Variants in CTNND2 observed in about 807,000 individuals in gnomAD.
The protein encoded by CTNND2 is catenin delta 2, also known as catenin delta-2.
CTNND2 carries 22 observed loss-of-function variants against 144.4 expected under a neutral mutation model. The ratio of observed to expected loss-of-function variants is 0.15; its 90% confidence interval spans 0.11 to 0.22. The LOEUF (loss-of-function observed/expected upper bound fraction) is 0.22, where lower values mean the gene tolerates loss of function less well. CTNND2 is among the 10% of genes least tolerant of loss of function. CTNND2 has a pLI of 1.00. For synonymous variants in CTNND2, 751 were observed against 695.6 expected (o/e 1.08, Z -1.25); for missense variants, 1,353 against 1,618.8 (o/e 0.84, Z 2.82).
intron 9 of CTNND2, among the ~76,000 whole-genome samples, chr5:11,302,201 G>C (rs755644139): frequency 5.3e-5 from 8 of 152,158 alleles, no homozygotes; most frequent in Non-Finnish European, 8.8e-5. Context: ...TCAGTACTGA[G>C]AGGAAGGAAA....
chr5:11,264,202 T>C (rs539252678), intron 9 of CTNND2, among the ~76,000 whole-genome samples: 1 of 152,294 alleles, frequency 6.6e-6, no homozygotes, highest in South Asian at 2.1e-4. Flanking sequence ...TTTGATATTA[T>C]GGGTTGAATT....
rs1278775149 is a variant in CTNND2, at chr5:11,397,099, C to T, written c.544G>A (p.Glu182Lys). 6.2e-7 allele frequency: 1 copy of T among 1,614,026 alleles called. No homozygotes were observed. Among genetic ancestry groups the T allele is most frequent in the South Asian group, 1.1e-5 (1 of 91,080 alleles). Reference protein sequence around the residue: ...YHSNQTLALGETTPSQLPARG... With the variant: ...YHSNQTLALGKTTPSQLPARG... ...GCCGGGAGCTGTGAAGGGGTGGTTTCCCCCAGGGCCAGGGTCTGGTTGCTA... is the reference window on the plus strand; with the variant it reads ...GCCGGGAGCTGTGAAGGGGTGGTTTTCCCCAGGGCCAGGGTCTGGTTGCTA... The change falls in exon 6 of 22, where the codon GAA becomes AAA. Residue 182 changes from glutamate (E) to lysine (K), a missense_variant. Transcript: ENST00000304623.
intron 3 of CTNND2, among the ~76,000 whole-genome samples, chr5:11,558,341 C>CATGT (rs1554083650): frequency 1.5e-5 from 2 of 132,120 alleles, no homozygotes; most frequent in African/African-American, 5.7e-5. Context: ...GTGAGAAACA[C>CATGT]GTGTGTGTGT....
intron 2 of CTNND2, among the ~76,000 whole-genome samples, chr5:11,635,363 CA>C (rs1403606228): frequency 1.3e-5 from 2 of 151,438 alleles, no homozygotes; most frequent in African/African-American, 2.4e-5. Flanking sequence ...CATGAGGAAG[CA>C]AAAAAGAGTG....
chr5:11,079,734 C>T lies in CTNND2; in HGVS notation c.2788+2962G>A, dbSNP rs1028633210. ...TCTCTAGTGTTACTTTTCCAACCAC[C>T]CCTATCTTGACCTCGCATTGAAAAT... On this transcript the variant is annotated intron_variant, in intron 16 of 21. Transcript: ENST00000304623. Among the ~76,000 whole-genome samples the T allele has an allele frequency of 7.2e-5, 11 of 152,146 alleles. No individual in the cohort carries two copies. The East Asian group carries it at 1.2e-3, about 16-fold the overall frequency.
chr5:11,612,061 C>T (rs75145192), intron 2 of CTNND2, among the ~76,000 whole-genome samples: 3,694 of 112,712 alleles, frequency 0.033, 87 homozygotes, highest in East Asian at 0.12. Flanking sequence ...CAGGGGTTCA[C>T]CAAGCCTACG....
intron 21 of CTNND2, among the ~76,000 whole-genome samples, chr5:10,978,701 C>G (rs1736823624): frequency 6.6e-6 from 1 of 152,312 alleles, no homozygotes; most frequent in South Asian, 2.1e-4. Flanking sequence ...GCTCTCCATC[C>G]AGGGTGGATT....
At chr5:11,659,564 G>T (rs1783078788) in intron 2 of CTNND2, among the ~76,000 whole-genome samples, 2 of 152,064 alleles carry the variant, frequency 1.3e-5, no homozygotes, top group South Asian at 4.1e-4. Flanking sequence ...TCTATACCCA[G>T]AACTAGAACA....
At chr5:11,532,784 G>A (rs1383593604) in intron 3 of CTNND2, among the ~76,000 whole-genome samples, 1 of 152,290 alleles carries the variant, frequency 6.6e-6, no homozygotes, top group Non-Finnish European at 1.5e-5. Flanking sequence ...ATATTTCACT[G>A]AATAAATTTT....
intron 20 of CTNND2, among the ~76,000 whole-genome samples, chr5:10,983,235 A>G (rs986927632): frequency 2.0e-5 from 3 of 152,220 alleles, no homozygotes; most frequent in Non-Finnish European, 4.4e-5. Flanking sequence ...TACACTGTAT[A>G]CTTGTATCAA....
intron 10 of CTNND2, among the ~76,000 whole-genome samples, chr5:11,200,360 T>C (rs1326064570): frequency 6.6e-6 from 1 of 152,230 alleles, no homozygotes; most frequent in Non-Finnish European, 1.5e-5. Context: ...TATTTTGAGA[T>C]GCATGTTCTC....
At chr5:11,042,130 T>TGG (rs1273662426) in intron 16 of CTNND2, among the ~76,000 whole-genome samples, 1 of 152,186 alleles carries the variant, frequency 6.6e-6, no homozygotes, top group Non-Finnish European at 1.5e-5. Context: ...GGACTCAGTC[T>TGG]GGGGCCCTGC....
chr5:11,029,320 T>G (rs1405796287), intron 16 of CTNND2, among the ~76,000 whole-genome samples: 3 of 152,218 alleles, frequency 2.0e-5, no homozygotes, highest in Admixed American at 6.5e-5. Flanking sequence ...TTTCTAGCGT[T>G]TTTCTGTTTT....
chr5:11,285,933 G>T (rs1343877585), intron 9 of CTNND2, among the ~76,000 whole-genome samples: 1 of 152,166 alleles, frequency 6.6e-6, no homozygotes, highest in African/African-American at 2.4e-5. Flanking sequence ...GTTAATAAGA[G>T]AGCATAGGTG....
chr5:11,630,998 C>T (rs767905529), intron 2 of CTNND2, among the ~76,000 whole-genome samples: 6 of 151,930 alleles, frequency 3.9e-5, no homozygotes, highest in Non-Finnish European at 7.4e-5. Context: ...CTCCCAGTCA[C>T]CTGTTTCATA....
chr5:11,398,013 T>C (rs1010183847), intron 5 of CTNND2, among the ~76,000 whole-genome samples: 1 of 152,206 alleles, frequency 6.6e-6, no homozygotes, highest in East Asian at 1.9e-4. Flanking sequence ...AATACTCTCT[T>C]TAGGGATCAA....
chr5:11,750,825 T>C (rs10462671), intron 1 of CTNND2, among the ~76,000 whole-genome samples: 148,629 of 151,918 alleles, frequency 0.98, 72,782 homozygotes, highest in East Asian at 1. Context: ...TCCTAAATTA[T>C]CTTTGTTAAT....
At chr5:11,143,889 T>C (rs531315913) in intron 12 of CTNND2, among the ~76,000 whole-genome samples, 1 of 152,036 alleles carries the variant, frequency 6.6e-6, no homozygotes, top group East Asian at 1.9e-4. Flanking sequence ...AGGTTTTCCA[T>C]AGGGGCAGTC....
intron 3 of CTNND2, among the ~76,000 whole-genome samples, chr5:11,424,119 T>A (rs918660315): frequency 1.3e-5 from 2 of 152,170 alleles, no homozygotes; most frequent in African/African-American, 2.4e-5. Flanking sequence ...TTCATTAGAG[T>A]TCTATTCATA....
Sources: allele counts gnomAD v4.1 joint callset (sites outside exome capture counted in the v4.1 genomes callset), GRCh38; gene constraint gnomAD v4.1.1; transcripts MANE v1.5; gene names NCBI Gene and HGNC (gene_info 2026-07-23, HGNC 2026-07-21).